ABTB3: variants seen among roughly 807,000 people sequenced by gnomAD.
ABTB3 encodes the protein ankyrin repeat- and BTB/POZ domain-containing protein 3.
the ABTB3 span, among the ~76,000 whole-genome samples, chr12:107,345,221 A>T: frequency 5.3e-5 from 8 of 152,174 alleles, no homozygotes; most frequent in Admixed American, 5.2e-4. Context: ...GGTTGAATAG[A>T]TGGGCAAAAA....
chr12:107,531,108 T>C, the ABTB3 span, among the ~76,000 whole-genome samples: 1 of 152,220 alleles, frequency 6.6e-6, no homozygotes, highest in African/African-American at 2.4e-5. Flanking sequence ...CATTGTTCCT[T>C]AACTTTGGCA....
chr12:107,382,824 G>T, the ABTB3 span, among the ~76,000 whole-genome samples: 1 of 152,036 alleles, frequency 6.6e-6, no homozygotes, highest in Non-Finnish European at 1.5e-5. Flanking sequence ...ATGGGTTGAG[G>T]GGTGCAACAA....
At chr12:107,646,433 T>C in the ABTB3 span, among the ~76,000 whole-genome samples, 1 of 112,516 alleles carries the variant, frequency 8.9e-6, no homozygotes, top group East Asian at 2.3e-4. Context: ...AAGGCTCTTA[T>C]TGTTATTTGT....
the ABTB3 span, among the ~76,000 whole-genome samples, chr12:107,378,708 C>T: frequency 5.3e-5 from 8 of 152,282 alleles, no homozygotes; most frequent in Admixed American, 2.0e-4. Context: ...CTTGTCACAA[C>T]GCATCCTGAC....
the ABTB3 span, among the ~76,000 whole-genome samples, chr12:107,367,487 A>G: frequency 1.3e-5 from 2 of 151,252 alleles, no homozygotes; most frequent in South Asian, 4.2e-4. Flanking sequence ...TTTTATTAAT[A>G]TTTTATTTTT....
the ABTB3 span, among the ~76,000 whole-genome samples, chr12:107,540,367 A>G: frequency 1.8e-4 from 28 of 152,272 alleles, no homozygotes; most frequent in African/African-American, 6.7e-4. Flanking sequence ...GGCCTCGGCC[A>G]CTTGGATGGT....
the ABTB3 span, among the ~76,000 whole-genome samples, chr12:107,566,799 A>C: frequency 1.3e-5 from 2 of 152,146 alleles, no homozygotes; most frequent in Non-Finnish European, 2.9e-5. Flanking sequence ...CAGAAGCTTT[A>C]AAAAACAATC....
At chr12:107,657,856 C>T in the ABTB3 span, 2 of 818,192 alleles carry the variant, frequency 2.4e-6, no homozygotes, top group Non-Finnish European at 3.9e-6. Flanking sequence ...CCCACGTGTT[C>T]CTGTTGAAAA....
the ABTB3 span, among the ~76,000 whole-genome samples, chr12:107,347,227 T>C: frequency 1.3e-5 from 2 of 152,216 alleles, no homozygotes; most frequent in Non-Finnish European, 2.9e-5. Context: ...CCAAATTTTA[T>C]TGAGCCAGCT....
the ABTB3 span, among the ~76,000 whole-genome samples, chr12:107,408,013 C>T: frequency 6.6e-6 from 1 of 151,944 alleles, no homozygotes; most frequent in South Asian, 2.1e-4. Context: ...CCTGTCGTTG[C>T]AACGAAATAA....
At chr12:107,608,973 A>C in the ABTB3 span, among the ~76,000 whole-genome samples, 11 of 89,790 alleles carry the variant, frequency 1.2e-4, no homozygotes, top group African/African-American at 5.2e-4. Context: ...TAAAATATAA[A>C]ATAAAATAAA....
At chr12:107,386,356 AG>A in the ABTB3 span, among the ~76,000 whole-genome samples, 1 of 152,220 alleles carries the variant, frequency 6.6e-6, no homozygotes, top group South Asian at 2.1e-4. Flanking sequence ...TACATGCCTC[AG>A]TGAGGGCAGG....
the ABTB3 span, among the ~76,000 whole-genome samples, chr12:107,567,950 T>C: frequency 6.6e-6 from 1 of 152,144 alleles, no homozygotes; most frequent in African/African-American, 2.4e-5. Flanking sequence ...AGTGCACTCT[T>C]GATGTACATT....
At chr12:107,647,742 A>G in the ABTB3 span, among the ~76,000 whole-genome samples, 8 of 152,196 alleles carry the variant, frequency 5.3e-5, no homozygotes, top group Non-Finnish European at 1.2e-4. Flanking sequence ...GGCCTGTTCT[A>G]TGCAGTTACT....
the ABTB3 span, among the ~76,000 whole-genome samples, chr12:107,449,499 C>A: frequency 6.6e-5 from 10 of 152,314 alleles, no homozygotes; most frequent in Middle Eastern, 3.4e-3. Context: ...CCCCTGCCCC[C>A]ATCTTCAGCT....
chr12:107,448,639 TTCTTTC>T, the ABTB3 span, among the ~76,000 whole-genome samples: 10 of 148,922 alleles, frequency 6.7e-5, no homozygotes, highest in Non-Finnish European at 1.5e-4. Flanking sequence ...CTTTCTTTCT[TTCTTTC>T]TTTTTTTTTT....
At chr12:107,346,526 C>G in the ABTB3 span, among the ~76,000 whole-genome samples, 2 of 152,026 alleles carry the variant, frequency 1.3e-5, no homozygotes, top group African/African-American at 4.8e-5. Flanking sequence ...GTGGTGTGAT[C>G]TTGGCTTACT....
chr12:107,574,322 C>T, the ABTB3 span, among the ~76,000 whole-genome samples: 1 of 152,226 alleles, frequency 6.6e-6, no homozygotes, highest in Non-Finnish European at 1.5e-5. Context: ...TAACAAAATT[C>T]ACCTTCCCTG....
the ABTB3 span, among the ~76,000 whole-genome samples, chr12:107,502,676 G>A: frequency 1.3e-5 from 2 of 152,108 alleles, no homozygotes; most frequent in Non-Finnish European, 2.9e-5. Context: ...GCGGGCGAGC[G>A]AGCATTACCA....
Sources: gnomAD v4.1 joint callset for allele counts (sites outside exome capture counted in the v4.1 genomes callset) on GRCh38, gnomAD v4.1.1 for gene constraint, MANE v1.5 for transcripts, NCBI Gene and HGNC (gene_info 2026-07-23, HGNC 2026-07-21) for gene names.